GRM5: variants seen among roughly 807,000 people sequenced by gnomAD.
GRM5 encodes the protein glutamate metabotropic receptor 5, also known as metabotropic glutamate receptor 5.
Under a neutral mutation model 83.1 loss-of-function variants are expected in GRM5, and 19 were observed. The observed-to-expected ratio is 0.23, with a 90% CI of 0.16 to 0.34. The LOEUF is 0.34. Among genes scored for constraint, GRM5 ranks in the 10% least tolerant of loss-of-function variants. The pLI is 1.00. For synonymous variants in GRM5, 675 were observed against 633.6 expected (o/e 1.07, Z -0.98); for missense variants, 1,160 against 1,588.3 (o/e 0.73, Z 4.58).
intron 1 of GRM5, among the ~76,000 whole-genome samples, chr11:89,064,169 A>G (rs1035423917): frequency 1.4e-4 from 21 of 152,108 alleles, no homozygotes; most frequent in Non-Finnish European, 2.2e-4. Context: ...TGCTGCCCTG[A>G]CTACCTAATC....
chr11:88,536,015 T>A (rs184737451), intron 8 of GRM5, among the ~76,000 whole-genome samples: 54 of 152,316 alleles, frequency 3.5e-4, no homozygotes, highest in Non-Finnish European at 6.0e-4. Flanking sequence ...AAACAATTGG[T>A]CCTTATAATC....
intron 4 of GRM5, among the ~76,000 whole-genome samples, chr11:88,631,739 C>A (rs1017967524): frequency 4.6e-5 from 7 of 152,058 alleles, no homozygotes; most frequent in Admixed American, 2.0e-4. Flanking sequence ...AATCACTGAG[C>A]AGCTCAAAAG....
At chr11:88,995,545 A>G (rs569454122) in intron 2 of GRM5, among the ~76,000 whole-genome samples, 3 of 101,670 alleles carry the variant, frequency 3.0e-5, no homozygotes, top group African/African-American at 2.4e-4. Flanking sequence ...ACTCCATCTC[A>G]AAAAAAAAAA....
rs78633895 is a variant in GRM5 at position 88,598,677 on chromosome 11, A to G, written c.1395-1325T>C. Reference sequence around the variant, plus strand: ...GCACTGAGGTAAAAAGAACTCACGTATTATGTCATTGGCTACTTCAAATAT... The same window carrying G: ...GCACTGAGGTAAAAAGAACTCACGTGTTATGTCATTGGCTACTTCAAATAT... On this transcript the variant is annotated intron_variant, in intron 5 of 9. Coordinates refer to ENST00000305447, the MANE Select transcript of GRM5 (RefSeq NM_001143831.3). Among the ~76,000 whole-genome samples the G allele has an allele frequency of 9.7e-3, 1,472 of 152,276 alleles. 17 individuals carry two copies. The highest frequency in any genetic ancestry group is 0.065 in the East Asian group (338 of 5,186).
At chr11:88,789,437 T>C (rs902351468) in intron 3 of GRM5, among the ~76,000 whole-genome samples, 2 of 152,326 alleles carry the variant, frequency 1.3e-5, no homozygotes, top group Admixed American at 6.5e-5. Context: ...GTAAGGCTTA[T>C]CTGTAAGTTA....
At chr11:88,725,859 T>C (rs1247322726) in intron 3 of GRM5, among the ~76,000 whole-genome samples, 1 of 148,314 alleles carries the variant, frequency 6.7e-6, no homozygotes, top group Non-Finnish European at 1.5e-5. Flanking sequence ...AAAAAGGATG[T>C]CCACAAAAAA....
chr11:88,718,382 C>T (rs371346348), intron 3 of GRM5, among the ~76,000 whole-genome samples: 4 of 151,974 alleles, frequency 2.6e-5, no homozygotes, highest in African/African-American at 9.6e-5. Flanking sequence ...GTTCCTCCCT[C>T]TATTTTCAGT....
intron 2 of GRM5, among the ~76,000 whole-genome samples, chr11:88,961,609 C>A (rs2134985895): frequency 6.6e-6 from 1 of 152,282 alleles, no homozygotes; most frequent in African/African-American, 2.4e-5. Context: ...AAGATATTAT[C>A]ACCTTCTCTC....
chr11:88,912,495 G>A (rs1945516221), intron 2 of GRM5, among the ~76,000 whole-genome samples: 1 of 135,124 alleles, frequency 7.4e-6, no homozygotes, highest in South Asian at 2.6e-4. Flanking sequence ...TTTTGCCATG[G>A]AGATCATTAT....
chr11:88,620,010 G>A (rs1266131513), intron 4 of GRM5, among the ~76,000 whole-genome samples: 1 of 152,052 alleles, frequency 6.6e-6, no homozygotes, highest in African/African-American at 2.4e-5. Context: ...TTTCAGTTAT[G>A]CACAGTGGAT....
rs376750934 is a variant in GRM5 at position 89,063,038 on chromosome 11, C to T, written c.-201+2738G>A. ...ATGTGCTTTCAGCACCACCCGCTGT[C>T]CCCCCTCTTCCTGCAGCAGGCGCCA... On this transcript the variant is annotated intron_variant, in intron 1 of 9. Coordinates refer to ENST00000305447, the MANE Select transcript of GRM5 (RefSeq NM_001143831.3). 4.8e-4 allele frequency among the ~76,000 whole-genome samples: 73 copies of T among 152,368 alleles called. No individual in the cohort carries two copies. In the East Asian group the frequency reaches 7.5e-3, roughly 16 times the overall value.
chr11:88,599,560 C>T (rs1937917369), intron 5 of GRM5, among the ~76,000 whole-genome samples: 1 of 152,136 alleles, frequency 6.6e-6, no homozygotes, highest in South Asian at 2.1e-4. Context: ...TTTTAATTTT[C>T]AGAGATAGAA....
At chr11:88,624,370 CT>C (rs1938728167) in intron 4 of GRM5, among the ~76,000 whole-genome samples, 1 of 152,126 alleles carries the variant, frequency 6.6e-6, no homozygotes, top group Non-Finnish European at 1.5e-5. Flanking sequence ...TCTTCCTTTT[CT>C]TGTCTGCTGA....
At chr11:88,990,239 T>C (rs973087377) in intron 2 of GRM5, among the ~76,000 whole-genome samples, 27 of 151,950 alleles carry the variant, frequency 1.8e-4, no homozygotes, top group African/African-American at 5.8e-4. Flanking sequence ...AACACCTCTA[T>C]GCAAATAAAC....
intron 2 of GRM5, among the ~76,000 whole-genome samples, chr11:88,972,031 G>A (rs189113617): frequency 7.4e-4 from 113 of 152,260 alleles, no homozygotes; most frequent in Middle Eastern, 3.4e-3. Context: ...CACGGCAGGA[G>A]CATCGCCATC....
chr11:88,838,341 C>A (rs1445361657), intron 3 of GRM5, among the ~76,000 whole-genome samples: 1 of 152,066 alleles, frequency 6.6e-6, no homozygotes, highest in East Asian at 1.9e-4. Context: ...ACTCATCTGT[C>A]TGGTGAAACT....
chr11:88,596,923 C>G (rs1454951166), intron 6 of GRM5, among the ~76,000 whole-genome samples: 2 of 151,754 alleles, frequency 1.3e-5, no homozygotes, highest in African/African-American at 4.8e-5. Flanking sequence ...ACTTTATTCC[C>G]AGGAAGTCAT....
At chr11:88,839,118 T>C (rs1944146808) in intron 3 of GRM5, among the ~76,000 whole-genome samples, 1 of 152,220 alleles carries the variant, frequency 6.6e-6, no homozygotes, top group Non-Finnish European at 1.5e-5. Context: ...ATACTATTCG[T>C]AACCCTCTTT....
chr11:88,673,103 T>C (rs1247963919), intron 3 of GRM5, among the ~76,000 whole-genome samples: 1 of 152,014 alleles, frequency 6.6e-6, no homozygotes, highest in Non-Finnish European at 1.5e-5. Context: ...TGACACAGTC[T>C]AATTTATACT....
Sources: allele counts gnomAD v4.1 joint callset (sites outside exome capture counted in the v4.1 genomes callset), GRCh38; gene constraint gnomAD v4.1.1; transcripts MANE v1.5; gene names NCBI Gene and HGNC (gene_info 2026-07-23, HGNC 2026-07-21).